SEPTIN8: variants seen among roughly 807,000 people sequenced by gnomAD.
The protein encoded by SEPTIN8 is septin 8, also known as septin-8.
Under a neutral mutation model 53.1 loss-of-function variants are expected in SEPTIN8, and 22 were observed. The ratio of observed to expected loss-of-function variants is 0.41; its 90% CI spans 0.30 to 0.59. The LOEUF (loss-of-function observed/expected upper bound fraction) is 0.59. SEPTIN8 is among the 20% of genes least tolerant of loss of function. The pLI is 0.24. For missense variants in SEPTIN8, 536 were observed against 638.7 expected, an observed-to-expected ratio of 0.84 and a Z score of 1.73; for synonymous variants, 228 against 248.4, an observed-to-expected ratio of 0.92 and a Z score of 0.77.
At chr5:132,755,173 C>T (rs1755217869) in intron 9 of SEPTIN8, among the ~76,000 whole-genome samples, 2 of 152,214 alleles carry the variant, frequency 1.3e-5, no homozygotes. Flanking sequence ...TCATACCACT[C>T]TCCCTGCAGG....
chr5:132,772,347 C>T (rs1203457176), intron 1 of SEPTIN8, among the ~76,000 whole-genome samples: 1 of 152,236 alleles, frequency 6.6e-6, no homozygotes, highest in Admixed American at 6.5e-5. Flanking sequence ...ACCCCAACCC[C>T]CAGGCCTAGG....
chr5:132,777,787 A>G (rs1757933749), upstream of SEPTIN8: 1 of 985,148 alleles, frequency 1.0e-6, no homozygotes, highest in African/African-American at 1.7e-5. This position sits in a 1 kb window ranked among gnomAD's most constrained non-coding sequence, Gnocchi z 4.1. Context: ...TAAGGCGGGA[A>G]CCCCGGCGGG....
In SEPTIN8 at chr5:132,777,081, C is replaced by T. The variant is rs1297755498; in HGVS notation, c.30+27G>A. The T allele has an allele frequency of 8.7e-7, 1 of 1,151,566 alleles. No individual in the cohort carries two copies. Among genetic ancestry groups the T allele is most frequent in the Non-Finnish European group, 1.1e-6 (1 of 935,612 alleles). The allele number at this position is 1,151,566 out of a possible 1,614,324, so 71.3% of individuals were successfully genotyped here. A position where few individuals can be genotyped will look rare whatever the true frequency, so the allele number is the denominator to read the frequency against. ...CCTCCTGCGCCCCGCGCCTCCCGCG[C>T]GCGCCGTGGCCCAGCGGGGCCCTCA... On this transcript the variant is annotated intron_variant, in intron 1 of 9. Coordinates refer to ENST00000378719, the MANE Select transcript of SEPTIN8 (RefSeq NM_001098811.2). The surrounding 1 kb of genome is among the most constrained non-coding windows in gnomAD (Gnocchi z 4.1).
intron 9 of SEPTIN8, chr5:132,756,985 C>T: frequency 1.0e-6 from 1 of 985,428 alleles, no homozygotes. Context: ...CATACACTTT[C>T]AGACATAAAA....
At chr5:132,758,615 G>A in intron 9 of SEPTIN8, 2 of 1,599,608 alleles carry the variant, frequency 1.3e-6, no homozygotes, top group Non-Finnish European at 1.7e-6. Flanking sequence ...TTACGTGTTT[G>A]CATAGAGAGG....
upstream of SEPTIN8, among the ~76,000 whole-genome samples, chr5:132,779,546 G>A (rs1244235429): frequency 2.0e-5 from 3 of 152,166 alleles, no homozygotes; most frequent in Non-Finnish European, 4.4e-5. Flanking sequence ...ACAAGACTTC[G>A]CTTCAGGAAA....
intron 4 of SEPTIN8, 93 bp downstream of exon 4, chr5:132,763,613 T>TGAGGAC: frequency 8.1e-7 from 1 of 1,237,886 alleles, no homozygotes; most frequent in South Asian, 1.3e-5. Flanking sequence ...ACCAGGTCCC[T>TGAGGAC]GAGGACCATG....
In SEPTIN8 at chr5:132,750,837, T is replaced by C. The variant is rs1349356119; in HGVS notation, c.*1179A>G. 8 of 1,611,860 alleles carry C rather than the reference T, an allele frequency of 5.0e-6. No individual in the cohort carries two copies. Among genetic ancestry groups the C allele is most frequent in the Non-Finnish European group, 6.8e-6 (8 of 1,179,360 alleles). ...TATGACATGATGTAGGGCTTTGGCC[T>C]CTTTATTTTCTTTTTACAGTTTATT... On this transcript the variant is annotated 3_prime_UTR_variant, in exon 10 of 10. Coordinates refer to ENST00000378719, the MANE Select transcript of SEPTIN8 (RefSeq NM_001098811.2).
Position 132,760,425 on chromosome 5 carries a change from G to A in SEPTIN8, c.1286+377C>T, listed in dbSNP as rs566774842. Among the ~76,000 whole-genome samples, 3 of 152,150 alleles carry A rather than the reference G, an allele frequency of 2.0e-5. No homozygotes were observed. Among genetic ancestry groups the A allele is most frequent in the South Asian group, 2.1e-4 (1 of 4,810 alleles). Reference sequence around the variant, plus strand: ...ACCCGTGCAGCCCCACCTTCACCACGCTGCAACAGGGCCACAGCTGCCAAG... The same window carrying A: ...ACCCGTGCAGCCCCACCTTCACCACACTGCAACAGGGCCACAGCTGCCAAG... On this transcript the variant is annotated intron_variant, in intron 9 of 9. Coordinates refer to ENST00000378719, the MANE Select transcript of SEPTIN8 (RefSeq NM_001098811.2). This position sits in a 1 kb window ranked among gnomAD's most constrained non-coding sequence, Gnocchi z 5.2.
At chr5:132,756,548 A>G (rs1191660358) in intron 9 of SEPTIN8, 1 of 985,336 alleles carries the variant, frequency 1.0e-6, no homozygotes, top group Non-Finnish European at 1.2e-6. Flanking sequence ...ATGGGGGCTA[A>G]CTTACTAAAC....
intron 4 of SEPTIN8, 83 bp from the exon 5 acceptor site, chr5:132,762,728 A>C (rs30509): frequency 0.19 from 273,695 of 1,455,394 alleles, 47,939 homozygotes; most frequent in African/African-American, 0.76. Context: ...ATATGGATAG[A>C]CATGCCCAGG....
Position 132,770,869 on chromosome 5 carries a change from A to G in SEPTIN8, c.31-5340T>C, listed in dbSNP as rs392916. 1.9e-3 allele frequency among the ~76,000 whole-genome samples: 289 copies of G among 152,268 alleles called. 2 individuals are homozygous for G. Among genetic ancestry groups the G allele is most frequent in the Non-Finnish European group, 3.4e-3 (232 of 68,018 alleles). On this transcript the variant is annotated intron_variant, in intron 1 of 9. Transcript: ENST00000378719. ...GGGAGTTGGCAGCTCTGAGCTCTAC[A>G]TATGCAATGAGAAACTCCATGGGGC...
chr5:132,760,579 C>T lies in SEPTIN8; in HGVS notation c.1286+223G>A, dbSNP rs1755806509. Reference sequence around the variant, plus strand: ...AAGATTGCCTGTGCAAGTGAGACTGCATGAGTATCAGAGCAATCCAGACGG... The same window carrying T: ...AAGATTGCCTGTGCAAGTGAGACTGTATGAGTATCAGAGCAATCCAGACGG... On this transcript the variant is annotated intron_variant, in intron 9 of 9. Coordinates refer to ENST00000378719, the MANE Select transcript of SEPTIN8 (RefSeq NM_001098811.2). The surrounding 1 kb of genome is among the most constrained non-coding windows in gnomAD (Gnocchi z 5.2). Among the ~76,000 whole-genome samples the T allele has an allele frequency of 6.6e-6, 1 of 152,042 alleles. No individual in the cohort carries two copies. The highest frequency in any genetic ancestry group is 1.5e-5 in the Non-Finnish European group (1 of 68,018).
intron 1 of SEPTIN8, among the ~76,000 whole-genome samples, chr5:132,768,121 C>T (rs1032241088): frequency 1.3e-5 from 2 of 152,082 alleles, no homozygotes. Flanking sequence ...AACCACCTAT[C>T]CACACACAGC....
rs541737991 is a variant in SEPTIN8 at position 132,761,879 on chromosome 5, G to T, written c.714C>A (p.Ala238=). The change falls in exon 6 of 10, where the codon GCC becomes GCA. Residue 238 remains alanine, a synonymous_variant. Transcript: ENST00000378719. This position sits in a 1 kb window ranked among gnomAD's most constrained non-coding sequence, Gnocchi z 5.8. ...NAVMNAHLPF[A]VVGSTEEVKV... is the part of the protein sequence containing the mutation. Reference sequence around the variant, plus strand: ...TCACCTCCTCGGTGCTGCCCACCACGGCAAAGGGCAGATGTGCCTGGAAAG... The same window carrying T: ...TCACCTCCTCGGTGCTGCCCACCACTGCAAAGGGCAGATGTGCCTGGAAAG... 1 of 1,596,356 alleles carries T rather than the reference G, an allele frequency of 6.3e-7. No individual in the cohort carries two copies. Among genetic ancestry groups the T allele is most frequent in the East Asian group, 2.3e-5 (1 of 44,096 alleles).
intron 1 of SEPTIN8, chr5:132,775,587 T>A (rs1476095997): frequency 6.6e-6 from 1 of 152,218 alleles, no homozygotes; most frequent in Non-Finnish European, 1.5e-5. Context: ...TATCAGGCTG[T>A]CTGATTCTGG....
intron 1 of SEPTIN8, among the ~76,000 whole-genome samples, chr5:132,770,061 G>GTATATATATATATA (rs1757091211): frequency 4.1e-5 from 3 of 74,068 alleles, no homozygotes; most frequent in East Asian, 4.9e-4. Context: ...GTGTGTGTGT[G>GTATATATATATATA]TGTATATATA....
chr5:132,765,054 G>A (rs893800876), intron 2 of SEPTIN8, among the ~76,000 whole-genome samples: 1 of 151,974 alleles, frequency 6.6e-6, no homozygotes, highest in Admixed American at 6.5e-5. Context: ...GAGGGGCAGA[G>A]CTGTTTACCA....
chr5:132,770,992 A>G (rs1186830262), intron 1 of SEPTIN8, among the ~76,000 whole-genome samples: 1 of 152,210 alleles, frequency 6.6e-6, no homozygotes, highest in Non-Finnish European at 1.5e-5. Flanking sequence ...GACAACAACC[A>G]AAACAATAAC....
Sources: allele counts gnomAD v4.1 joint callset (sites outside exome capture counted in the v4.1 genomes callset), GRCh38; gene constraint gnomAD v4.1.1; non-coding constraint Gnocchi (gnomAD v3.1); transcripts MANE v1.5; gene names NCBI Gene and HGNC (gene_info 2026-07-23, HGNC 2026-07-21).